Variants in ARID4B observed in about 807,000 individuals in gnomAD.
The protein encoded by ARID4B is AT-rich interaction domain 4B.
ARID4B carries 26 observed loss-of-function variants against 147.5 expected under a neutral mutation model. The observed-to-expected ratio is 0.18, with a 90% CI of 0.13 to 0.24. ARID4B has a LOEUF of 0.24. ARID4B is among the 10% of genes least tolerant of loss of function. The pLI, the probability that ARID4B is intolerant of heterozygous loss-of-function variation, is 1.00. For synonymous variants in ARID4B, 512 were observed against 507.9 expected (o/e 1.01, Z -0.11); for missense variants, 1,179 against 1,511.5 (o/e 0.78, Z 3.65).
At chr1:235,209,548 A>AT (rs529393984) in intron 17 of ARID4B, among the ~76,000 whole-genome samples, 276 of 150,102 alleles carry the variant, frequency 1.8e-3, no homozygotes, top group Non-Finnish European at 2.7e-3. Flanking sequence ...AAGAAAATTG[A>AT]TTTTTTTGTT....
At chr1:235,270,754 T>C (rs1314869643) in intron 2 of ARID4B, among the ~76,000 whole-genome samples, 2 of 152,230 alleles carry the variant, frequency 1.3e-5, no homozygotes, top group Non-Finnish European at 2.9e-5. Flanking sequence ...GAAGAGGTTA[T>C]TTGTCATCTT....
chr1:235,261,396 C>G (rs573871177), intron 2 of ARID4B, among the ~76,000 whole-genome samples: 1 of 152,094 alleles, frequency 6.6e-6, no homozygotes, highest in African/African-American at 2.4e-5. Flanking sequence ...TGGTGCCATG[C>G]GCCTGTACTC....
intron 2 of ARID4B, among the ~76,000 whole-genome samples, chr1:235,314,859 C>T (rs1674320434): frequency 6.6e-6 from 1 of 151,890 alleles, no homozygotes; most frequent in Non-Finnish European, 1.5e-5. Flanking sequence ...TCTTTAAATA[C>T]CACTTGCTCA....
At chr1:235,185,648 A>G (rs1219332184) in intron 19 of ARID4B, among the ~76,000 whole-genome samples, 1 of 152,208 alleles carries the variant, frequency 6.6e-6, no homozygotes, top group Non-Finnish European at 1.5e-5. Context: ...GGATATAAAT[A>G]TTCATCGTCC....
chr1:235,305,322 G>C (rs1347759639), intron 2 of ARID4B, among the ~76,000 whole-genome samples: 3 of 152,148 alleles, frequency 2.0e-5, no homozygotes, highest in African/African-American at 7.2e-5. Flanking sequence ...ACCCACGTCA[G>C]ACCTCTGACT....
chr1:235,177,706 G>A lies in ARID4B; in HGVS notation c.3448+94C>T, dbSNP rs1057513109. The A allele has an allele frequency of 3.7e-5, 28 of 756,276 alleles. 1 individual carries two copies. The South Asian group carries it at 5.1e-4, about 14-fold the overall frequency. The allele number at this position is 756,276 out of a possible 1,614,324, so 46.8% of individuals were successfully genotyped here. A position where few individuals can be genotyped will look rare whatever the true frequency, so the allele number is the denominator to read the frequency against. On this transcript the variant is annotated intron_variant, in intron 21 of 23. Transcript: ENST00000264183. The stretch of plus-strand genomic sequence containing the variant: ...AGTGTACAGACAAAATCAAAATAGT[G>A]TACTATCCCATACCCTGAATACCAT...
intron 2 of ARID4B, among the ~76,000 whole-genome samples, chr1:235,313,352 TC>T (rs1362144091): frequency 6.6e-6 from 1 of 151,944 alleles, no homozygotes; most frequent in Non-Finnish European, 1.5e-5. Flanking sequence ...TTTTTTTTAT[TC>T]TGAAATAGAC....
chr1:235,240,396 G>A lies in ARID4B; in HGVS notation c.502C>T (p.Gln168Ter). 1 of 1,613,302 alleles carries A rather than the reference G, an allele frequency of 6.2e-7. No individual in the cohort carries two copies. The part of the protein sequence containing the change: ...SSDEDEDDRK[Q>*]IDELLGKVVC... ...ACTTTGCCTAGTAGCTCATCAATCT[G>A]TTTCCTATCATCCTCATCTTCATCA... The change falls in exon 8 of 24, where the codon CAG becomes TAG. Residue 168 changes from glutamine to a stop codon, truncating the protein, a stop_gained. Coordinates refer to ENST00000264183, the MANE Select transcript of ARID4B (RefSeq NM_016374.6). LOFTEE classifies it high-confidence loss of function.
intron 2 of ARID4B, among the ~76,000 whole-genome samples, chr1:235,269,688 C>A (rs760390078): frequency 1.3e-4 from 20 of 152,032 alleles, no homozygotes; most frequent in Middle Eastern, 6.8e-3. Flanking sequence ...GTGTATATAT[C>A]TCTCTCTGTG....
intron 6 of ARID4B, among the ~76,000 whole-genome samples, chr1:235,250,961 T>G (rs966078536): frequency 1.3e-5 from 2 of 152,200 alleles, no homozygotes; most frequent in Non-Finnish European, 2.9e-5. Context: ...AACCATGTCT[T>G]CAAGTCCTCA....
chr1:235,197,897 T>C (rs1665610561), intron 17 of ARID4B, among the ~76,000 whole-genome samples: 1 of 152,214 alleles, frequency 6.6e-6, no homozygotes, highest in African/African-American at 2.4e-5. Context: ...CTTTTACCTT[T>C]CCTATTAATA....
At chr1:235,218,192 T>C (rs776665452) in intron 16 of ARID4B, among the ~76,000 whole-genome samples, 5 of 152,150 alleles carry the variant, frequency 3.3e-5, no homozygotes, top group Non-Finnish European at 5.9e-5. Context: ...TTCTAAAAAA[T>C]ATCTACCAAA....
intron 18 of ARID4B, among the ~76,000 whole-genome samples, chr1:235,195,235 A>C (rs1277509490): frequency 6.6e-6 from 1 of 152,160 alleles, no homozygotes; most frequent in Non-Finnish European, 1.5e-5. Context: ...TATCATACAT[A>C]AAAGTAACAT....
Position 235,168,377 on chromosome 1 carries a change from G to T in ARID4B, c.*148C>A. The T allele has an allele frequency of 1.2e-6, 1 of 810,610 alleles. No individual in the cohort carries two copies. The highest frequency in any genetic ancestry group is 1.8e-6 in the Non-Finnish European group (1 of 555,084). The allele number at this position is 810,610 out of a possible 1,614,324, so 50.2% of individuals were successfully genotyped here. A position where few individuals can be genotyped will look rare whatever the true frequency, so the allele number is the denominator to read the frequency against. The stretch of plus-strand genomic sequence containing the variant: ...TTGTACTTTTTCTTCATAAAAAAGT[G>T]CACTTAAGTGCCAAGTCAGCTTGTC... On this transcript the variant is annotated 3_prime_UTR_variant, in exon 24 of 24. Coordinates refer to ENST00000264183, the MANE Select transcript of ARID4B (RefSeq NM_016374.6).
At position 235,182,572 on chromosome 1, in the gene ARID4B, T is replaced by C. The variant is rs746377415; in HGVS notation, c.2347A>G (p.Arg783Gly). The C allele has an allele frequency of 6.2e-7, 1 of 1,612,376 alleles. No homozygotes were observed. The change falls in exon 20 of 24, where the codon AGG (arginine) becomes GGG (glycine). Residue 783 changes from arginine (R) to glycine (G), a missense_variant. Around this residue, in one of 10 missense-constraint regions of ARID4B, gnomAD observed 321 missense variants for 342.4 expected, o/e 0.94. Transcript: ENST00000264183. The stretch of plus-strand genomic sequence containing the variant: ...TCGGATAATACTTCTATATCTTTCC[T>C]TAATCTTTCTGGAGATTTTGACACT... ...KPVSKSPERL[R>G]KDIEVLSEDT...
chr1:235,242,965 A>G (rs1669083951), intron 7 of ARID4B, among the ~76,000 whole-genome samples: 1 of 152,118 alleles, frequency 6.6e-6, no homozygotes, highest in Non-Finnish European at 1.5e-5. Flanking sequence ...ATCATACTAT[A>G]TAATTTACTT....
At chr1:235,232,870 T>A (rs1020880234) in intron 9 of ARID4B, among the ~76,000 whole-genome samples, 4 of 152,090 alleles carry the variant, frequency 2.6e-5, no homozygotes, top group Non-Finnish European at 5.9e-5. Context: ...GGAATCTTGT[T>A]GTTGTCACCC....
intron 2 of ARID4B, among the ~76,000 whole-genome samples, chr1:235,280,213 TAATAA>T (rs1005196280): frequency 3.4e-5 from 5 of 147,982 alleles, no homozygotes; most frequent in African/African-American, 9.7e-5. Context: ...CTCCACCCAT[TAATAA>T]AATAAAACAT....
chr1:235,249,876 G>T (rs1210825340), intron 6 of ARID4B, among the ~76,000 whole-genome samples: 1 of 150,796 alleles, frequency 6.6e-6, no homozygotes, highest in African/African-American at 2.4e-5. Flanking sequence ...GGAGGCAGAG[G>T]TTGCAGTGAG....
Sources: allele counts gnomAD v4.1 joint callset (sites outside exome capture counted in the v4.1 genomes callset), GRCh38; gene constraint gnomAD v4.1.1; regional missense constraint gnomAD v4.1.1; transcripts MANE v1.5; gene names NCBI Gene and HGNC (gene_info 2026-07-23, HGNC 2026-07-21).